MKLN1: variants seen among roughly 807,000 people sequenced by gnomAD.
The protein encoded by MKLN1 is muskelin.
A neutral mutation model predicts 99.0 loss-of-function variants in MKLN1; 18 were observed. The ratio of observed to expected loss-of-function variants is 0.18; its 90% CI spans 0.13 to 0.27. MKLN1 has a LOEUF of 0.27. Ranked by LOEUF, MKLN1 falls within the 10% of genes least tolerant of loss-of-function variation. The probability of loss-of-function intolerance (pLI) is 1.00; values close to 1 mark genes in which losing one functional copy is unlikely to be tolerated. For missense variants in MKLN1, 621 were observed against 875.9 expected, an observed-to-expected ratio of 0.71 and a Z score of 3.67; for synonymous variants, 288 against 293.2, an observed-to-expected ratio of 0.98 and a Z score of 0.18.
intron 3 of MKLN1, among the ~76,000 whole-genome samples, chr7:131,316,896 C>T (rs1007902834): frequency 2.6e-5 from 4 of 151,776 alleles, no homozygotes; most frequent in African/African-American, 9.7e-5. Context: ...GGTGTGAAGA[C>T]AAGATTAGAG....
At chr7:131,361,881 G>T (rs990029287) in intron 1 of MKLN1, among the ~76,000 whole-genome samples, 1 of 151,524 alleles carries the variant, frequency 6.6e-6, no homozygotes, top group African/African-American at 2.4e-5. Flanking sequence ...TATCTTCATG[G>T]TTAGTTTTAG....
chr7:131,300,572 A>G (rs1798362082), intron 3 of MKLN1, among the ~76,000 whole-genome samples: 1 of 150,878 alleles, frequency 6.6e-6, no homozygotes, highest in Non-Finnish European at 1.5e-5. Context: ...TAATAATCCC[A>G]GCTACTCCAG....
intron 3 of MKLN1, among the ~76,000 whole-genome samples, chr7:131,237,116 G>A (rs1020100639): frequency 6.6e-6 from 1 of 152,138 alleles, no homozygotes; most frequent in Non-Finnish European, 1.5e-5. Flanking sequence ...TGATGACTGA[G>A]TATGGTATAA....
At chr7:131,162,717 A>C (rs781314391) in intron 2 of MKLN1, among the ~76,000 whole-genome samples, 4 of 152,210 alleles carry the variant, frequency 2.6e-5, no homozygotes, top group Non-Finnish European at 5.9e-5. Context: ...AAGCATTTCG[A>C]ATAAGAGATG....
At chr7:131,190,261 C>G (rs559740455) in intron 2 of MKLN1, among the ~76,000 whole-genome samples, 1 of 152,178 alleles carries the variant, frequency 6.6e-6, no homozygotes, top group South Asian at 2.1e-4. Context: ...CTCTCCTGCC[C>G]CTCCCCTAAT....
intron 2 of MKLN1, among the ~76,000 whole-genome samples, chr7:131,173,715 T>C (rs1452421082): frequency 6.6e-6 from 1 of 152,030 alleles, no homozygotes; most frequent in African/African-American, 2.4e-5. Flanking sequence ...CAAGATTCCA[T>C]CTCAAACAAA....
At chr7:131,281,595 C>T (rs555979423) in intron 3 of MKLN1, among the ~76,000 whole-genome samples, 12 of 151,896 alleles carry the variant, frequency 7.9e-5, no homozygotes, top group African/African-American at 2.9e-4. Flanking sequence ...ATGGAGATTG[C>T]ATTGGATTTC....
chr7:131,328,037 C>G (rs951054369), intron 1 of MKLN1, 40 bp downstream of exon 1: 2 of 1,603,400 alleles, frequency 1.2e-6, no homozygotes, highest in Admixed American at 3.4e-5. Context: ...CCCACCCTTC[C>G]GCGTCAGCAC....
chr7:131,181,863 T>C (rs1381060597), intron 2 of MKLN1, among the ~76,000 whole-genome samples: 1 of 152,130 alleles, frequency 6.6e-6, no homozygotes, highest in Non-Finnish European at 1.5e-5. Context: ...TTTCACCATA[T>C]TGGTCAGGCT....
chr7:131,459,750 A>AG (rs980084386), intron 12 of MKLN1, among the ~76,000 whole-genome samples: 2 of 152,146 alleles, frequency 1.3e-5, no homozygotes, highest in African/African-American at 4.8e-5. Flanking sequence ...TAAAAAAAAA[A>AG]CAACATAGAT....
At chr7:131,465,127 C>CCATAGGATAGAGATAATAACTATTATA (rs1796622088) in intron 14 of MKLN1, among the ~76,000 whole-genome samples, 1 of 151,804 alleles carries the variant, frequency 6.6e-6, no homozygotes, top group Admixed American at 6.6e-5. Flanking sequence ...GAATTTCCAT[C>CCATAGGATAGAGATAATAACTATTATA]CATAGGATAG....
chr7:131,194,648 T>A (rs1796616148), intron 2 of MKLN1, among the ~76,000 whole-genome samples: 1 of 152,206 alleles, frequency 6.6e-6, no homozygotes, highest in Non-Finnish European at 1.5e-5. Context: ...CAATTTTCAT[T>A]TCCCTTATCA....
At chr7:131,133,425 G>T (rs1795592476) in intron 1 of MKLN1, among the ~76,000 whole-genome samples, 1 of 140,262 alleles carries the variant, frequency 7.1e-6, no homozygotes, top group South Asian at 2.3e-4. Context: ...CGTGATCTCG[G>T]CTTACTGCAA....
chr7:131,286,149 C>T (rs550208834), intron 3 of MKLN1, among the ~76,000 whole-genome samples: 1 of 152,246 alleles, frequency 6.6e-6, no homozygotes, highest in East Asian at 1.9e-4. Flanking sequence ...AGGGTTTCAC[C>T]ATGTTGGCCA....
At chr7:131,197,395 TA>T (rs1796664674) in intron 2 of MKLN1, among the ~76,000 whole-genome samples, 1 of 125,270 alleles carries the variant, frequency 8.0e-6, no homozygotes, top group Non-Finnish European at 1.8e-5. Context: ...TTATTATTAT[TA>T]TTATTATTAT....
intron 3 of MKLN1, among the ~76,000 whole-genome samples, chr7:131,214,588 T>C (rs1300554636): frequency 7.2e-5 from 11 of 152,174 alleles, no homozygotes; most frequent in African/African-American, 2.2e-4. Flanking sequence ...GTAACCAATA[T>C]TGGGGCTACC....
At chr7:131,353,546 G>A (rs963780740) in intron 1 of MKLN1, among the ~76,000 whole-genome samples, 1 of 151,880 alleles carries the variant, frequency 6.6e-6, no homozygotes, top group African/African-American at 2.4e-5. Flanking sequence ...TATGTAGTTC[G>A]GAAATACGTT....
At chr7:131,193,514 G>A (rs369451998) in intron 2 of MKLN1, among the ~76,000 whole-genome samples, 13 of 152,008 alleles carry the variant, frequency 8.6e-5, no homozygotes, top group Non-Finnish European at 1.5e-4. Flanking sequence ...CTACAGGTGC[G>A]CACCACCATG....
At chr7:131,164,254 G>C (rs961742630) in intron 2 of MKLN1, among the ~76,000 whole-genome samples, 1 of 152,112 alleles carries the variant, frequency 6.6e-6, no homozygotes, top group African/African-American at 2.4e-5. Context: ...TGGGACTACA[G>C]GCACACACCA....
Sources: gnomAD v4.1 joint callset for allele counts (sites outside exome capture counted in the v4.1 genomes callset) on GRCh38, gnomAD v4.1.1 for gene constraint, MANE v1.5 for transcripts, NCBI Gene and HGNC (gene_info 2026-07-23, HGNC 2026-07-21) for gene names.